Variants in KRT15 observed in about 807,000 individuals in gnomAD.
The protein encoded by KRT15 is keratin, type I cytoskeletal 15.
Under a neutral mutation model 46.6 loss-of-function variants are expected in KRT15, and 45 were observed. That is an observed-to-expected ratio of 0.97 (90% CI 0.76 to 1.24). The LOEUF (loss-of-function observed/expected upper bound fraction) is 1.24, where lower values mean the gene tolerates loss of function less well. Ranked by LOEUF, KRT15 falls within the 50% of genes most tolerant of loss-of-function variation. The pLI, the probability that KRT15 is intolerant of heterozygous loss-of-function variation, is 0.00. For synonymous variants in KRT15, 221 were observed against 233.8 expected, an observed-to-expected ratio of 0.95 and a Z score of 0.50; for missense variants, 592 against 588.9, an observed-to-expected ratio of 1.01 and a Z score of -0.05.
rs139517360 is a variant in KRT15 at position 41,518,355 on chromosome 17, T to C, written c.473A>G (p.Lys158Arg). The C allele has an allele frequency of 9.6e-5, 155 of 1,613,776 alleles. No individual in the cohort carries two copies. Among genetic ancestry groups the C allele is most frequent in the Admixed American group, 1.3e-4 (8 of 60,004 alleles). ...CTTGTCCCGGAGCTCTTCAATGGTC[T>C]TGAAGTATTGGCTGTAGTCGCATTC... is the stretch of plus-strand genomic sequence containing the variant. The part of the protein sequence containing the change: ...SPECDYSQYF[K>R]TIEELRDKIM... Residue 158 changes from lysine to arginine, a missense_variant, in exon 1 of 8, where the codon AAG becomes AGG. Coordinates refer to ENST00000254043, the MANE Select transcript of KRT15 (RefSeq NM_002275.4).
chr17:41,518,753 A>G lies in KRT15; in HGVS notation c.75T>C (p.Ala25=). The G allele has an allele frequency of 3.1e-6, 4 of 1,306,294 alleles. No homozygotes were observed. The highest frequency in any genetic ancestry group is 4.1e-6 in the Non-Finnish European group (4 of 986,696). The allele number at this position is 1,306,294 out of a possible 1,614,324, so 80.9% of individuals were successfully genotyped here. The change falls in exon 1 of 8, where the codon GCT becomes GCC. Residue 25 remains alanine (A), a synonymous_variant. Transcript: ENST00000254043. ...TCCCCCCACCAAAGCCACCTCCCCC[A>G]GCCAGGAGGGAACCCCCTCGGGTTG... ...GGSTRGGSLL[A]GGGGFGGGSL...
At position 41,515,880 on chromosome 17, in the gene KRT15, C is replaced by T. The variant is rs929857507; in HGVS notation, c.1026+5G>A. ...GAGGCTGGGATGGGGCGCGAGTGGC[C>T]GTACCATGCTGAGCTGGGACTGCAG... On this transcript the variant is annotated splice_donor_5th_base_variant and intron_variant, in intron 5 of 7. Transcript: ENST00000254043. 1.8e-5 allele frequency: 29 copies of T among 1,613,798 alleles called. No individual in the cohort carries two copies. Among genetic ancestry groups the T allele is most frequent in the South Asian group, 6.6e-5 (6 of 91,078 alleles).
At chr17:41,518,285 G>T in intron 1 of KRT15, 45 bp downstream of exon 1, 1 of 1,578,590 alleles carries the variant, frequency 6.3e-7, no homozygotes, top group South Asian at 1.2e-5. Flanking sequence ...CTGTGTACAG[G>T]GTACCAGCCA....
rs1378152145 is a variant in KRT15, at chr17:41,514,500, T to C, written c.1273+149A>G. 4 of 703,184 alleles carry C rather than the reference T, an allele frequency of 5.7e-6. No homozygotes were observed. In the Admixed American group the frequency reaches 1.1e-4, roughly 19 times the overall value. 43.6% of individuals were successfully genotyped at this position (703,184 alleles called of 1,614,324 possible). A position where few individuals can be genotyped will look rare whatever the true frequency, so the allele number is the denominator to read the frequency against. On this transcript the variant is annotated intron_variant, in intron 7 of 7. Transcript: ENST00000254043. ...AATCTCACCTGGGGCTGACAGAAGTTCCCACTGGGGAAGAGGCATCTAATG... is the reference window on the plus strand; with the variant it reads ...AATCTCACCTGGGGCTGACAGAAGTCCCCACTGGGGAAGAGGCATCTAATG...
intron 5 of KRT15, 75 bp from the exon 6 acceptor site, chr17:41,515,767 G>T (rs1174801180): frequency 1.9e-6 from 3 of 1,595,122 alleles, no homozygotes; most frequent in African/African-American, 2.7e-5. Context: ...AGGGGGCACT[G>T]AATGGAGTTC....
Position 41,514,006 on chromosome 17 carries a change from TC to T in KRT15, c.*16del, listed in dbSNP as rs1335863796. 6.3e-7 allele frequency: 1 copy of T among 1,588,320 alleles called. No homozygotes were observed. Among genetic ancestry groups the T allele is most frequent in the East Asian group, 2.2e-5 (1 of 44,756 alleles). ...AGAGTGGGGAGTGGCAAGGGACGTTTCTCCTGCAATAGACACTTAGATTTCT... is the reference window on the plus strand; with the variant it reads ...AGAGTGGGGAGTGGCAAGGGACGTTTTCCTGCAATAGACACTTAGATTTCT... On this transcript the variant is annotated 3_prime_UTR_variant, in exon 8 of 8. Transcript: ENST00000254043.
intron 1 of KRT15, chr17:41,517,385 C>T: frequency 3.5e-6 from 2 of 565,104 alleles, no homozygotes; most frequent in East Asian, 3.0e-5. Flanking sequence ...CTTGAGACAC[C>T]TGAGGAGCTG....
chr17:41,518,242 T>G (rs1905487922), intron 1 of KRT15, 88 bp downstream of exon 1: 14 of 1,445,014 alleles, frequency 9.7e-6, no homozygotes, highest in Non-Finnish European at 1.3e-5. Flanking sequence ...AGGAAAGGAT[T>G]TCCTTGAGTC....
In KRT15 at chr17:41,518,529, A is replaced by T; in HGVS notation, c.299T>A (p.Leu100His). 6.2e-7 allele frequency: 1 copy of T among 1,613,960 alleles called. No individual in the cohort carries two copies. The highest frequency in any genetic ancestry group is 1.3e-5 in the African/African-American group (1 of 74,944). The change falls in exon 1 of 8, where the codon CTC (leucine) becomes CAC (histidine). Residue 100 changes from leucine (L) to histidine (H), a missense_variant. Transcript: ENST00000254043. The part of the protein sequence containing the change: ...GGGFGGGDGG[L>H]LSGNEKITMQ... ...GGTAATTTTCTCATTGCCAGAGAGG[A>T]GACCACCATCGCCACCACCAAAGCC...
In KRT15 at chr17:41,515,963, C is replaced by G; in HGVS notation, c.948G>C (p.Gln316His). 1 of 1,614,186 alleles carries G rather than the reference C, an allele frequency of 6.2e-7. No individual in the cohort carries two copies. The highest frequency in any genetic ancestry group is 8.5e-7 in the Non-Finnish European group (1 of 1,180,018). The change falls in exon 5 of 8, where the codon CAG becomes CAC. Residue 316 changes from glutamine to histidine, a missense_variant. Physicochemically the swap from Gln to His is conservative, Grantham distance 24. Transcript: ENST00000254043. ...KEVASNTEMI[Q>H]TSKTEITDLR... ...GGTCTGTGATCTCCGTCTTGCTGGT[C>G]TGGATCATTTCTGTGTTGGAGGCCA...
chr17:41,518,080 G>A (rs1905476921), intron 1 of KRT15, among the ~76,000 whole-genome samples: 1 of 151,900 alleles, frequency 6.6e-6, no homozygotes, highest in South Asian at 2.1e-4. Flanking sequence ...GCCCCCACCT[G>A]TGCCCCTGTT....
chr17:41,514,248 A>G, intron 7 of KRT15, 128 bp from the exon 8 acceptor site: 1 of 703,250 alleles, frequency 1.4e-6, no homozygotes, highest in Non-Finnish European at 2.5e-6. Flanking sequence ...CAATCCCTCA[A>G]GAGCTGCCAG....
In KRT15 at chr17:41,516,915, CG is replaced by C; in HGVS notation, c.630del (p.Asn210LysfsTer10). On this transcript the variant is annotated frameshift_variant, in exon 3 of 8. Coordinates refer to ENST00000254043, the MANE Select transcript of KRT15 (RefSeq NM_002275.4). LOFTEE classifies it high-confidence loss of function. ...AGCTCATCCAGGACTCGGCGCAAGC[CG>C]TTGATGTCAGCCTCAACGCCCTGGC... ...ALRQGVEADI[N>X]GLRRVLDELT... The C allele has an allele frequency of 6.2e-7, 1 of 1,614,218 alleles. No individual in the cohort carries two copies. Among genetic ancestry groups the C allele is most frequent in the Non-Finnish European group, 8.5e-7 (1 of 1,180,034 alleles).
At chr17:41,514,826 C>T in intron 6 of KRT15, 152 bp from the exon 7 acceptor site, 1 of 649,624 alleles carries the variant, frequency 1.5e-6, no homozygotes, top group Non-Finnish European at 2.7e-6. Flanking sequence ...ATCCTGCTAG[C>T]CCATCCAGGC....
chr17:41,518,470 G>T lies in KRT15; in HGVS notation c.358C>A (p.Leu120Met). ...TCCTCCAGGGCACGTACCTTGTCCA[G>T]GTAGGAGGCCAGGCGGTCATTGAGG... ...QNLNDRLASY[L>M]DKVRALEEAN... Residue 120 changes from leucine to methionine, a missense_variant, in exon 1 of 8, where the codon CTG becomes ATG. Coordinates refer to ENST00000254043, the MANE Select transcript of KRT15 (RefSeq NM_002275.4). The T allele has an allele frequency of 6.2e-7, 1 of 1,614,048 alleles. No homozygotes were observed. The highest frequency in any genetic ancestry group is 8.5e-7 in the Non-Finnish European group (1 of 1,179,996).
chr17:41,515,337 C>T (rs188345815), intron 6 of KRT15, 135 bp downstream of exon 6: 57 of 708,244 alleles, frequency 8.0e-5, no homozygotes, highest in Non-Finnish European at 1.3e-4. Context: ...GAGTCCAGAT[C>T]CTCCCTCCTT....
In KRT15 at chr17:41,515,569, C is replaced by T. The variant is rs1220132803; in HGVS notation, c.1150G>A (p.Ala384Thr). Residue 384 changes from alanine to threonine, a missense_variant, in exon 6 of 8, where the codon GCT becomes ACT. Transcript: ENST00000254043. ...AGCATCTTGTACTCCTGGTTCTGAG[C>T]CTCCATCTCGCATCGGAGCTCACTC... ...QLSELRCEME[A>T]QNQEYKMLLD... 4 of 1,614,038 alleles carry T rather than the reference C, an allele frequency of 2.5e-6. No individual in the cohort carries two copies. The highest frequency in any genetic ancestry group is 3.4e-6 in the Non-Finnish European group (4 of 1,180,054).
intron 3 of KRT15, 56 bp downstream of exon 3, chr17:41,516,752 T>G (rs1234343293): frequency 1.3e-6 from 2 of 1,596,288 alleles, no homozygotes. Flanking sequence ...AAGTGAGTTT[T>G]GGGAAGAGGT....
rs1378875259 is a variant in KRT15 at position 41,513,901 on chromosome 17, G to T, written c.*122C>A. On this transcript the variant is annotated 3_prime_UTR_variant, in exon 8 of 8. Coordinates refer to ENST00000254043, the MANE Select transcript of KRT15 (RefSeq NM_002275.4). ...AAAGCCCTGAAATAAAAGACCGAGG[G>T]ACCCTTTTCAGCTCTCTGAAGGCAG... The T allele has an allele frequency of 2.6e-6, 2 of 766,802 alleles. No homozygotes were observed. Among genetic ancestry groups the T allele is most frequent in the Non-Finnish European group, 4.7e-6 (2 of 425,134 alleles). 47.5% of individuals were successfully genotyped at this position (766,802 alleles called of 1,614,324 possible).
Sources: allele counts gnomAD v4.1 joint callset (sites outside exome capture counted in the v4.1 genomes callset), GRCh38; gene constraint gnomAD v4.1.1; transcripts MANE v1.5; gene names NCBI Gene and HGNC (gene_info 2026-07-23, HGNC 2026-07-21).